RBFOX1: variants seen among roughly 807,000 people sequenced by gnomAD.
The protein encoded by RBFOX1 is RNA binding protein fox-1 homolog 1.
A neutral mutation model predicts 57.7 loss-of-function variants in RBFOX1; 8 were observed. That is an observed-to-expected ratio of 0.14 (90% confidence interval 0.08 to 0.25). The LOEUF is 0.25. Among genes scored for constraint, RBFOX1 ranks in the 10% least tolerant of loss-of-function variants. The probability of loss-of-function intolerance (pLI) is 1.00; values close to 1 mark genes in which losing one functional copy is unlikely to be tolerated. For synonymous variants in RBFOX1, 326 were observed against 222.4 expected, an observed-to-expected ratio of 1.47 and a Z score of -4.15; for missense variants, 611 against 548.5, an observed-to-expected ratio of 1.11 and a Z score of -1.14.
intron 2 of RBFOX1, among the ~76,000 whole-genome samples, chr16:6,423,772 G>A (rs1280697115): frequency 2.0e-5 from 3 of 152,078 alleles, no homozygotes; most frequent in African/African-American, 4.8e-5. Context: ...GTTCAGCTAC[G>A]ACGCAGCACT....
Position 6,090,438 on chromosome 16 carries a change from A to G in RBFOX1, c.-127+70446A>G, listed in dbSNP as rs954105299. On this transcript the variant is annotated intron_variant, in intron 1 of 15. Coordinates refer to ENST00000550418, the MANE Select transcript of RBFOX1 (RefSeq NM_018723.4). The stretch of plus-strand genomic sequence containing the variant: ...TGAGTGTAGCAGCAAGCAGTCTTTT[A>G]GGTTAATGTGCTACAGCTATAGAAA... Among the ~76,000 whole-genome samples the G allele has an allele frequency of 5.9e-5, 9 of 152,348 alleles. No homozygotes were observed. In the Middle Eastern group the frequency reaches 0.01, roughly 173 times the overall value.
chr16:5,953,748 A>G (rs1448079948), intron 4 of RBFOX1, among the ~76,000 whole-genome samples: 2 of 149,910 alleles, frequency 1.3e-5, no homozygotes, highest in Non-Finnish European at 1.5e-5. Context: ...TTCTTCATCC[A>G]CTTGATTGAT....
intron 3 of RBFOX1, among the ~76,000 whole-genome samples, chr16:6,870,938 C>T (rs911555150): frequency 6.6e-6 from 1 of 152,176 alleles, no homozygotes; most frequent in Non-Finnish European, 1.5e-5. Flanking sequence ...CCATTTCTAT[C>T]CGTAAGTGTC....
chr16:7,130,201 T>C lies in RBFOX1; in HGVS notation c.27+78103T>C, dbSNP rs937175978. Among the ~76,000 whole-genome samples, 34 of 151,932 alleles carry C rather than the reference T, an allele frequency of 2.2e-4. 1 individual carries two copies. Among genetic ancestry groups the C allele is most frequent in the Admixed American group, 2.2e-3 (33 of 15,256 alleles). The stretch of plus-strand genomic sequence containing the variant: ...GGCACGTGCCACCATGCCCAGCTAA[T>C]TTTTGTATTTTTGGTAGAGGTGGAG... On this transcript the variant is annotated intron_variant, in intron 4 of 15. Transcript: ENST00000550418.
chr16:5,544,257 G>A (rs1294451443), intron 2 of RBFOX1, among the ~76,000 whole-genome samples: 1 of 152,186 alleles, frequency 6.6e-6, no homozygotes, highest in Non-Finnish European at 1.5e-5. Context: ...AATTAAACTG[G>A]AAATTGGCAA....
chr16:6,725,057 T>G (rs1407231172), intron 3 of RBFOX1, among the ~76,000 whole-genome samples: 4 of 88,770 alleles, frequency 4.5e-5, no homozygotes, highest in Admixed American at 1.6e-4. Context: ...TTTTTTTTTT[T>G]CTTTTTTTTT....
intron 1 of RBFOX1, among the ~76,000 whole-genome samples, chr16:6,234,807 C>G (rs1332026396): frequency 6.8e-6 from 1 of 146,016 alleles, no homozygotes; most frequent in South Asian, 2.1e-4. Context: ...TACGCATGAA[C>G]TACACACAGA....
chr16:6,411,532 C>T (rs894956992), intron 2 of RBFOX1, among the ~76,000 whole-genome samples: 2 of 152,130 alleles, frequency 1.3e-5, no homozygotes, highest in Non-Finnish European at 2.9e-5. Flanking sequence ...GTCCTATTAG[C>T]TACATGCAGA....
chr16:6,721,837 C>T (rs1171230676), intron 3 of RBFOX1: 1 of 153,208 alleles, frequency 6.5e-6, no homozygotes, highest in African/African-American at 2.4e-5. Flanking sequence ...CGCTCACACG[C>T]CTATTGCAGG....
At chr16:7,004,784 A>T (rs2093153068) in intron 3 of RBFOX1, among the ~76,000 whole-genome samples, 3 of 152,194 alleles carry the variant, frequency 2.0e-5, no homozygotes, top group African/African-American at 7.2e-5. Flanking sequence ...AGATTAAGAT[A>T]ACCTAATCCA....
At chr16:6,597,237 T>C (rs1227163079) in intron 2 of RBFOX1, among the ~76,000 whole-genome samples, 2 of 152,166 alleles carry the variant, frequency 1.3e-5, no homozygotes, top group African/African-American at 4.8e-5. Flanking sequence ...GGAGAAGTAG[T>C]TGGGTGCGTA....
intron 1 of RBFOX1, among the ~76,000 whole-genome samples, chr16:6,033,605 C>T (rs1403214812): frequency 6.6e-6 from 1 of 152,148 alleles, no homozygotes; most frequent in Non-Finnish European, 1.5e-5. Context: ...TGTGTGTGTG[C>T]ACACGCACGT....
At chr16:6,651,829 C>G (rs987466613) in intron 2 of RBFOX1, among the ~76,000 whole-genome samples, 1 of 152,150 alleles carries the variant, frequency 6.6e-6, no homozygotes, top group Non-Finnish European at 1.5e-5. Flanking sequence ...ACAGATGGCG[C>G]TTATGAATGG....
chr16:7,070,952 T>A (rs558717476), intron 4 of RBFOX1, among the ~76,000 whole-genome samples: 9 of 152,056 alleles, frequency 5.9e-5, no homozygotes, highest in Admixed American at 5.9e-4. Flanking sequence ...ATTTGGAAAA[T>A]CCTTAGTGCA....
At chr16:6,738,294 C>T (rs2071005517) in intron 3 of RBFOX1, among the ~76,000 whole-genome samples, 1 of 151,930 alleles carries the variant, frequency 6.6e-6, no homozygotes, top group South Asian at 2.1e-4. Context: ...TAAGAGTTTC[C>T]ATAAGGAGAG....
At position 6,544,778 on chromosome 16, in the gene RBFOX1, G is replaced by A. The variant is rs143922396; in HGVS notation, c.-63-109825G>A. On this transcript the variant is annotated intron_variant, in intron 2 of 15. Coordinates refer to ENST00000550418, the MANE Select transcript of RBFOX1 (RefSeq NM_018723.4). ...AACACTCCTCTCTCAAAGATATTGT[G>A]AAAATTGAATGATGCTGAGCACGTA... is the stretch of plus-strand genomic sequence containing the variant. 1.8e-3 allele frequency among the ~76,000 whole-genome samples: 269 copies of A among 152,302 alleles called. 3 individuals carry two copies. The East Asian group carries it at 0.042, about 24-fold the overall frequency.
At chr16:5,539,330 C>T (rs755975031) in intron 2 of RBFOX1, among the ~76,000 whole-genome samples, 4 of 150,916 alleles carry the variant, frequency 2.7e-5, no homozygotes, top group South Asian at 2.1e-4. Flanking sequence ...TGATGGCTCA[C>T]GCCTGTAATC....
chr16:5,723,101 A>G lies in RBFOX1; in HGVS notation c.318+124140A>G, dbSNP rs1008574. 8.5e-5 allele frequency among the ~76,000 whole-genome samples: 13 copies of G among 152,090 alleles called. No homozygotes were observed. The East Asian group carries it at 2.5e-3, about 30-fold the overall frequency. On this transcript the variant is annotated intron_variant, in intron 3 of 19. Transcript: ENST00000641259. ...TCACAAGTGATGCAGGTTTGCCATT[A>G]TCTTCCTTTTACCTCAGAGTCATCC...
intron 2 of RBFOX1, among the ~76,000 whole-genome samples, chr16:6,335,294 G>T (rs1188000669): frequency 6.6e-6 from 1 of 152,096 alleles, no homozygotes; most frequent in Non-Finnish European, 1.5e-5. Context: ...TTGAATGCGC[G>T]TCAGGCCCCA....
Sources: gnomAD v4.1 joint callset for allele counts (sites outside exome capture counted in the v4.1 genomes callset) on GRCh38, gnomAD v4.1.1 for gene constraint, MANE v1.5 for transcripts, NCBI Gene and HGNC (gene_info 2026-07-23, HGNC 2026-07-21) for gene names.